COL4A4: variants seen among roughly 807,000 people sequenced by gnomAD.
COL4A4 encodes collagen type IV alpha 4 chain.
In COL4A4, 105 loss-of-function variants were observed where a neutral mutation model predicts 192.9. That is an observed-to-expected ratio of 0.54 (90% CI 0.46 to 0.64). The LOEUF (loss-of-function observed/expected upper bound fraction) is 0.64, where lower values mean the gene tolerates loss of function less well. COL4A4 is among the 30% of genes least tolerant of loss of function. The pLI is 0.00. For missense variants in COL4A4, 1,967 were observed against 2,169.3 expected (o/e 0.91, Z 1.85); for synonymous variants, 762 against 769.9 (o/e 0.99, Z 0.17).
Position 227,027,028 on chromosome 2 carries a change from G to C in COL4A4, c.4081+874C>G, listed in dbSNP as rs185808859. Reference sequence around the variant, plus strand: ...CCAGCACTTTGGGAGGCTGAGGTGGGCTGATCACCTGAGGTCAGGAGTTTG... The same window carrying C: ...CCAGCACTTTGGGAGGCTGAGGTGGCCTGATCACCTGAGGTCAGGAGTTTG... On this transcript the variant is annotated intron_variant, in intron 42 of 47. Coordinates refer to ENST00000396625, the MANE Select transcript of COL4A4 (RefSeq NM_000092.5). 2.9e-3 allele frequency among the ~76,000 whole-genome samples: 448 copies of C among 152,252 alleles called. 2 individuals are homozygous for C. The highest frequency in any genetic ancestry group is 0.01 in the African/African-American group (429 of 41,550).
intron 1 of COL4A4, among the ~76,000 whole-genome samples, chr2:227,159,092 C>A (rs897541276): frequency 2.0e-5 from 3 of 151,896 alleles, no homozygotes; most frequent in African/African-American, 7.3e-5. Context: ...GACTTTTTTT[C>A]AAAGTGTGAT....
the COL4A4 span, among the ~76,000 whole-genome samples, chr2:226,989,954 A>C: frequency 6.6e-6 from 1 of 152,212 alleles, no homozygotes; most frequent in Non-Finnish European, 1.5e-5. Context: ...CCACTGTTGC[A>C]GTCTTGATTG....
At chr2:226,968,588 T>C in the COL4A4 span, among the ~76,000 whole-genome samples, 1 of 152,218 alleles carries the variant, frequency 6.6e-6, no homozygotes, top group Non-Finnish European at 1.5e-5. Context: ...TAACCTGAGA[T>C]GGTGGCTTAG....
chr2:227,049,440 A>G (rs1266742126), intron 34 of COL4A4, among the ~76,000 whole-genome samples: 2 of 152,244 alleles, frequency 1.3e-5, no homozygotes, highest in Non-Finnish European at 2.9e-5. Context: ...CTTTCACACT[A>G]TAACAACACA....
chr2:227,109,309 C>T, intron 9 of COL4A4, 23 bp from the exon 10 acceptor site: 1 of 1,590,966 alleles, frequency 6.3e-7, no homozygotes, highest in Non-Finnish European at 8.6e-7. Context: ...AAAATCAGTG[C>T]ATCTGTTACC....
Position 227,059,623 on chromosome 2 carries a change from C to A in COL4A4, c.2165G>T (p.Gly722Val). Residue 722 changes from glycine (G) to valine (V), a missense_variant and splice_region_variant, in exon 28 of 48, where the codon GGT becomes GTT. Gly to Val is a moderately radical substitution (Grantham distance 109). Coordinates refer to ENST00000396625, the MANE Select transcript of COL4A4 (RefSeq NM_000092.5). Reference sequence around the variant, plus strand: ...CGGATCTCCCATGTCACCACGAAAACCTATTTAACAACAAAAAAAAATTTT... The same window carrying A: ...CGGATCTCCCATGTCACCACGAAAAACTATTTAACAACAAAAAAAAATTTT... ...PGTAEIPGPPGFRGDMGDPGF... is the reference protein window; with the variant it reads ...PGTAEIPGPPVFRGDMGDPGF... 2 of 1,612,988 alleles carry A rather than the reference C, an allele frequency of 1.2e-6. No individual in the cohort carries two copies. Among genetic ancestry groups the A allele is most frequent in the Non-Finnish European group, 1.7e-6 (2 of 1,179,692 alleles).
At chr2:227,142,467 TC>T (rs750084215) in intron 3 of COL4A4, among the ~76,000 whole-genome samples, 11 of 152,120 alleles carry the variant, frequency 7.2e-5, no homozygotes, top group Admixed American at 6.6e-5. Flanking sequence ...ATAGAAAAGT[TC>T]AAAGGCTGGC....
intron 1 of COL4A4, among the ~76,000 whole-genome samples, chr2:227,157,902 A>G (rs1205515295): frequency 6.6e-6 from 1 of 152,078 alleles, no homozygotes; most frequent in Non-Finnish European, 1.5e-5. Flanking sequence ...TGGCCAACTT[A>G]TTTTATGAGG....
chr2:227,111,166 G>A (rs1477260784), intron 9 of COL4A4, among the ~76,000 whole-genome samples: 2 of 152,172 alleles, frequency 1.3e-5, no homozygotes, highest in African/African-American at 2.4e-5. Flanking sequence ...TGTGGCATTT[G>A]TGATTCACAC....
intron 13 of COL4A4, 146 bp downstream of exon 13, chr2:227,103,826 C>A: frequency 1.4e-6 from 1 of 707,802 alleles, no homozygotes; most frequent in Non-Finnish European, 2.5e-6. Context: ...CACGATGGGG[C>A]CAACAGTAGT....
chr2:227,033,567 A>G (rs1968886690), intron 37 of COL4A4, 86 bp from the exon 38 acceptor site: 16 of 1,207,476 alleles, frequency 1.3e-5, no homozygotes, highest in Non-Finnish European at 1.9e-5. Context: ...TGCCCAGCAG[A>G]GGGCGCGTTG....
Position 227,147,458 on chromosome 2 carries a change from A to C in COL4A4, c.26T>G (p.Met9Arg). 1 of 1,613,894 alleles carries C rather than the reference A, an allele frequency of 6.2e-7. No homozygotes were observed. The highest frequency in any genetic ancestry group is 8.5e-7 in the Non-Finnish European group (1 of 1,179,848). MWSLHIVL[M>R]RCSFRLTKSL... ...CTTGGTCAATCTGAAGGAGCACCTC[A>C]TTAGTACTATGTGCAGAGACCACAT... The change falls in exon 2 of 48, where the codon ATG (methionine) becomes AGG (arginine). Residue 9 changes from methionine (M) to arginine (R), a missense_variant. Physicochemically the swap from Met to Arg is moderately conservative, Grantham distance 91 (BLOSUM62 -1). Transcript: ENST00000396625.
chr2:227,053,519 T>G (rs1443641151), intron 31 of COL4A4, among the ~76,000 whole-genome samples: 1 of 150,606 alleles, frequency 6.6e-6, no homozygotes, highest in Non-Finnish European at 1.5e-5. Flanking sequence ...TTTTTCATAG[T>G]AAAGAAAACA....
In COL4A4 at chr2:227,031,971, C is replaced by A. The variant is rs371915593; in HGVS notation, c.3791G>T (p.Gly1264Val). 1 of 1,613,410 alleles carries A rather than the reference C, an allele frequency of 6.2e-7. No individual in the cohort carries two copies. Among genetic ancestry groups the A allele is most frequent in the Non-Finnish European group, 8.5e-7 (1 of 1,179,490 alleles). Residue 1264 changes from glycine (G) to valine (V), a missense_variant, in exon 40 of 48, where the codon GGA (glycine) becomes GTA (valine). Coordinates refer to ENST00000396625, the MANE Select transcript of COL4A4 (RefSeq NM_000092.5). ...TCTTGGGCCATCAGGACCAGGAGGT[C>A]CCTGATCTCCAGGTGGACCCGGGTC... is the stretch of plus-strand genomic sequence containing the variant. Reference protein sequence around the residue: ...IPDPGPPGDQGPPGPDGPRGA... With the variant: ...IPDPGPPGDQVPPGPDGPRGA...
At chr2:227,048,337 G>A (rs912745401) in intron 34 of COL4A4, among the ~76,000 whole-genome samples, 3 of 152,166 alleles carry the variant, frequency 2.0e-5, no homozygotes, top group Non-Finnish European at 4.4e-5. Context: ...TTGCTTGAGG[G>A]GTGGGATTCT....
intron 26 of COL4A4, among the ~76,000 whole-genome samples, chr2:227,062,236 CAAA>C (rs56292638): frequency 3.1e-4 from 41 of 132,976 alleles, no homozygotes; most frequent in South Asian, 1.6e-3. Flanking sequence ...GACTCCGTCT[CAAA>C]AAAAAAAAAA....
At chr2:227,154,021 T>A (rs539571729) in intron 1 of COL4A4, among the ~76,000 whole-genome samples, 1 of 152,172 alleles carries the variant, frequency 6.6e-6, no homozygotes, top group African/African-American at 2.4e-5. Flanking sequence ...TTCCTCCTCC[T>A]CCTCTCTTCC....
At chr2:227,113,667 C>T (rs547593451) in intron 8 of COL4A4, among the ~76,000 whole-genome samples, 14 of 152,254 alleles carry the variant, frequency 9.2e-5, no homozygotes, top group South Asian at 2.1e-4. Flanking sequence ...CTGCTGTTGA[C>T]GTTTAGTTTA....
chr2:226,971,090 T>G, the COL4A4 span, among the ~76,000 whole-genome samples: 1 of 152,074 alleles, frequency 6.6e-6, no homozygotes, highest in Non-Finnish European at 1.5e-5. Context: ...TCTGTTTCAT[T>G]TTGGAACCAA....
Sources: allele counts gnomAD v4.1 joint callset (sites outside exome capture counted in the v4.1 genomes callset), GRCh38; gene constraint gnomAD v4.1.1; transcripts MANE v1.5; gene names NCBI Gene and HGNC (gene_info 2026-07-23, HGNC 2026-07-21).